ACSS3: variants seen among roughly 807,000 people sequenced by gnomAD.
ACSS3 encodes the protein acyl-CoA synthetase short-chain family member 3, mitochondrial.
A neutral mutation model predicts 84.2 loss-of-function variants in ACSS3; 64 were observed. That is an observed-to-expected ratio of 0.76 (90% CI 0.62 to 0.94). The LOEUF (loss-of-function observed/expected upper bound fraction) is 0.94. Ranked by LOEUF, ACSS3 falls within the 40% of genes least tolerant of loss-of-function variation. The pLI, the probability that ACSS3 is intolerant of heterozygous loss-of-function variation, is 0.00. For missense variants in ACSS3, 815 were observed against 867.6 expected (o/e 0.94, Z 0.76); for synonymous variants, 317 against 310.1 (o/e 1.02, Z -0.23).
intron 7 of ACSS3, among the ~76,000 whole-genome samples, chr12:81,157,596 C>T (rs924365458): frequency 3.3e-5 from 5 of 152,156 alleles, no homozygotes; most frequent in South Asian, 4.1e-4. Context: ...ATCATGAGGT[C>T]AGGAGTTCAA....
At chr12:81,200,069 C>T (rs574594533) in intron 9 of ACSS3, among the ~76,000 whole-genome samples, 1 of 152,062 alleles carries the variant, frequency 6.6e-6, no homozygotes, top group African/African-American at 2.4e-5. Context: ...TATAGTCCTC[C>T]CTCTAAGTGT....
chr12:81,161,890 C>A (rs539291295), intron 7 of ACSS3, among the ~76,000 whole-genome samples: 3 of 152,166 alleles, frequency 2.0e-5, no homozygotes, highest in Non-Finnish European at 4.4e-5. Flanking sequence ...GGAGCCACTA[C>A]GGACCTGTGT....
chr12:81,244,811 A>G (rs1390359316), intron 13 of ACSS3, among the ~76,000 whole-genome samples: 1 of 152,148 alleles, frequency 6.6e-6, no homozygotes, highest in Non-Finnish European at 1.5e-5. Flanking sequence ...CCCTTAACAT[A>G]TTAATCGTAG....
intron 13 of ACSS3, among the ~76,000 whole-genome samples, chr12:81,246,557 A>G (rs535639953): frequency 6.6e-6 from 1 of 152,302 alleles, no homozygotes; most frequent in African/African-American, 2.4e-5. Context: ...ACCAAGTTGT[A>G]TTTCAAGTTC....
intron 1 of ACSS3, among the ~76,000 whole-genome samples, chr12:81,082,785 C>T (rs1881068827): frequency 6.6e-6 from 1 of 152,162 alleles, no homozygotes; most frequent in South Asian, 2.1e-4. Context: ...CGTAGCTTTG[C>T]CGCTTACTCT....
intron 13 of ACSS3, among the ~76,000 whole-genome samples, chr12:81,241,435 A>G (rs546025990): frequency 1.2e-4 from 19 of 152,230 alleles, no homozygotes; most frequent in Admixed American, 2.0e-4. Context: ...TGGTTGAACT[A>G]GTTTACAGTC....
intron 7 of ACSS3, among the ~76,000 whole-genome samples, chr12:81,153,502 A>G (rs1886718086): frequency 6.6e-6 from 1 of 152,186 alleles, no homozygotes; most frequent in Non-Finnish European, 1.5e-5. Flanking sequence ...TTGATGTTTA[A>G]AAAGTTGCTA....
At chr12:81,101,582 A>T (rs2121425473) in intron 1 of ACSS3, among the ~76,000 whole-genome samples, 1 of 152,282 alleles carries the variant, frequency 6.6e-6, no homozygotes, top group Admixed American at 6.5e-5. Context: ...TCATATTGAT[A>T]TATGTATATA....
At position 81,259,173 on chromosome 12, in the gene ACSS3, T is replaced by C. The variant is rs1388641814; in HGVS notation, c.*4251T>C. 1.0e-5 allele frequency: 2 copies of C among 199,120 alleles called. No individual in the cohort carries two copies. The highest frequency in any genetic ancestry group is 2.0e-5 in the Non-Finnish European group (2 of 97,688). The allele number at this position is 199,120 out of a possible 1,614,324, so 12.3% of individuals were successfully genotyped here. On this transcript the variant is annotated 3_prime_UTR_variant, in exon 16 of 16. Coordinates refer to ENST00000548058, the MANE Select transcript of ACSS3 (RefSeq NM_024560.4). ...ATGAAACATGCTTCAAGGAAACATA[T>C]TGATTTGACTATTAACAATCCAAAA...
At chr12:81,254,805 AG>A in intron 15 of ACSS3, 51 bp from the exon 16 acceptor site, 4 of 1,348,012 alleles carry the variant, frequency 3.0e-6, no homozygotes, top group Non-Finnish European at 4.2e-6. Context: ...TTATAGAAAG[AG>A]TAGAAGAAAT....
At chr12:81,237,949 G>C (rs1361900919) in intron 13 of ACSS3, among the ~76,000 whole-genome samples, 3 of 151,638 alleles carry the variant, frequency 2.0e-5, no homozygotes, top group East Asian at 3.9e-4. Context: ...TAGTGGGAAA[G>C]TTTTGAATTT....
At chr12:81,183,185 C>T (rs2031048788) in intron 8 of ACSS3, among the ~76,000 whole-genome samples, 1 of 152,178 alleles carries the variant, frequency 6.6e-6, no homozygotes, top group South Asian at 2.1e-4. Flanking sequence ...ATTAAAACTC[C>T]TCTCTTTTTA....
intron 8 of ACSS3, among the ~76,000 whole-genome samples, chr12:81,197,642 A>G (rs1463994397): frequency 2.4e-4 from 36 of 152,134 alleles, no homozygotes; most frequent in Admixed American, 2.4e-3. Flanking sequence ...TTTCACTGTT[A>G]GACCTTGTCA....
intron 1 of ACSS3, among the ~76,000 whole-genome samples, chr12:81,080,216 C>T (rs969695535): frequency 3.3e-5 from 5 of 151,994 alleles, no homozygotes; most frequent in South Asian, 2.1e-4. Context: ...TGGAGTGATT[C>T]GAGAGGACAA....
At chr12:81,139,401 T>C in intron 4 of ACSS3, 136 bp downstream of exon 4, 2 of 817,714 alleles carry the variant, frequency 2.4e-6, no homozygotes, top group Non-Finnish European at 3.6e-6. Context: ...TTCTAAAAAA[T>C]ATATGAATAA....
intron 2 of ACSS3, among the ~76,000 whole-genome samples, chr12:81,131,293 T>C (rs956802962): frequency 3.3e-5 from 5 of 152,162 alleles, no homozygotes; most frequent in Admixed American, 6.6e-5. Context: ...TGTGTCCTCT[T>C]TTATTTTGTT....
chr12:81,171,695 T>C (rs2030055390), intron 7 of ACSS3, among the ~76,000 whole-genome samples: 1 of 152,170 alleles, frequency 6.6e-6, no homozygotes, highest in Admixed American at 6.6e-5. Flanking sequence ...TAAAATCCTA[T>C]ATTATAAAAA....
intron 11 of ACSS3, among the ~76,000 whole-genome samples, chr12:81,224,571 CACATGTGT>C (rs759950912): frequency 1.1e-3 from 97 of 92,248 alleles, no homozygotes; most frequent in African/African-American, 3.1e-3. Flanking sequence ...TACACACACA[CACATGTGT>C]GTGTGTGTGT....
intron 13 of ACSS3, among the ~76,000 whole-genome samples, chr12:81,245,461 CA>C (rs1331052982): frequency 2.6e-5 from 4 of 151,744 alleles, no homozygotes; most frequent in Non-Finnish European, 2.9e-5. Flanking sequence ...GACTCTGTCT[CA>C]AAAAAACAAA....
Sources: gnomAD v4.1 joint callset for allele counts (sites outside exome capture counted in the v4.1 genomes callset) on GRCh38, gnomAD v4.1.1 for gene constraint, MANE v1.5 for transcripts, NCBI Gene and HGNC (gene_info 2026-07-23, HGNC 2026-07-21) for gene names.